Variants in BRDT observed in about 807,000 individuals in gnomAD.
BRDT encodes the protein bromodomain testis-specific protein.
BRDT carries 77 observed loss-of-function variants against 113.9 expected under a neutral mutation model. That is an observed-to-expected ratio of 0.68 (90% CI 0.56 to 0.82). The LOEUF (loss-of-function observed/expected upper bound fraction) is 0.82, where lower values mean the gene tolerates loss of function less well. Ranked by LOEUF, BRDT falls within the 40% of genes least tolerant of loss-of-function variation. BRDT has a pLI of 0.00. For missense variants in BRDT, 1,027 were observed against 1,105.4 expected (o/e 0.93, Z 1.01); for synonymous variants, 358 against 366.5 (o/e 0.98, Z 0.26).
intron 1 of BRDT, chr1:91,950,140 G>A (rs1680890498): frequency 6.6e-6 from 1 of 152,122 alleles, no homozygotes; most frequent in African/African-American, 2.4e-5. Context: ...AGGCGCGCTG[G>A]CCTGTATTAA....
At chr1:91,959,015 C>T (rs952885352) in intron 1 of BRDT, among the ~76,000 whole-genome samples, 2 of 152,042 alleles carry the variant, frequency 1.3e-5, no homozygotes, top group African/African-American at 4.8e-5. Flanking sequence ...TACTGTTGCA[C>T]TCCAGCCTGG....
intron 12 of BRDT, among the ~76,000 whole-genome samples, chr1:91,984,881 C>T (rs965782497): frequency 4.6e-5 from 7 of 152,124 alleles, no homozygotes; most frequent in East Asian, 1.9e-4. Context: ...TCAAGTGATC[C>T]GCCCAGCTCG....
At chr1:91,977,860 ACT>A (rs1241613019) in intron 6 of BRDT, among the ~76,000 whole-genome samples, 6 of 151,394 alleles carry the variant, frequency 4.0e-5, no homozygotes, top group Non-Finnish European at 7.4e-5. Flanking sequence ...ACAGAGGGAA[ACT>A]CTGTCTCAAA....
At chr1:92,000,954 A>G (rs969686214) in intron 15 of BRDT, among the ~76,000 whole-genome samples, 10 of 152,254 alleles carry the variant, frequency 6.6e-5, no homozygotes, top group Admixed American at 5.9e-4. Context: ...TGAAAACTTA[A>G]GAATTAATGA....
intron 13 of BRDT, 60 bp downstream of exon 13, chr1:91,991,305 T>TTTTAA: frequency 1.1e-6 from 1 of 928,006 alleles, no homozygotes; most frequent in Non-Finnish European, 1.6e-6. Flanking sequence ...ATGGGTATAG[T>TTTTAA]AGTAGCTTTC....
rs367671737 is a variant in BRDT at position 91,998,635 on chromosome 1, A to G, written c.2288-3414A>G. ...CTCATAGGAGAAATAAACAACTGGT[A>G]TATAAAGTAAAAATAATGTGCCCTG... On this transcript the variant is annotated intron_variant, in intron 15 of 18. Transcript: ENST00000399546. Among the ~76,000 whole-genome samples the G allele has an allele frequency of 4.6e-5, 7 of 152,350 alleles. 1 individual carries two copies. Among genetic ancestry groups the G allele is most frequent in the East Asian group, 1.9e-4 (1 of 5,184 alleles).
chr1:92,008,242 T>C (rs944697312), intron 18 of BRDT, among the ~76,000 whole-genome samples: 2 of 152,184 alleles, frequency 1.3e-5, no homozygotes, highest in Non-Finnish European at 2.9e-5. Context: ...GATCCAGATA[T>C]CCAAATAGTG....
chr1:91,975,571 A>G (rs1684056153), intron 4 of BRDT, among the ~76,000 whole-genome samples: 3 of 152,204 alleles, frequency 2.0e-5, no homozygotes, highest in African/African-American at 7.2e-5. Context: ...TGAAGTCTAG[A>G]TAGGAAGATA....
chr1:91,976,085 CATT>C (rs970097225), intron 4 of BRDT, among the ~76,000 whole-genome samples, 178 bp from the exon 5 acceptor site: 1 of 152,228 alleles, frequency 6.6e-6, no homozygotes, highest in African/African-American at 2.4e-5. Flanking sequence ...TTGAAGTCTC[CATT>C]ATTATATCTA....
rs200378835 is a variant in BRDT, at chr1:92,002,120, G to A, written c.2359G>A (p.Glu787Lys). The A allele has an allele frequency of 5.2e-5, 84 of 1,613,610 alleles. No individual in the cohort carries two copies. Among genetic ancestry groups the A allele is most frequent in the Non-Finnish European group, 7.0e-5 (83 of 1,179,602 alleles). Residue 787 changes from glutamate to lysine, a missense_variant, in exon 16 of 19, where the codon GAA becomes AAA. Transcript: ENST00000399546. Reference sequence around the variant, plus strand: ...TGGTGATAGTGACACAACGATGTTAGAATCTGAATGTCAAGCTCCTGTACA... The same window carrying A: ...TGGTGATAGTGACACAACGATGTTAAAATCTGAATGTCAAGCTCCTGTACA... ...PSGDSDTTML[E>K]SECQAPVQKD...
intron 4 of BRDT, among the ~76,000 whole-genome samples, chr1:91,968,540 T>C (rs995498526): frequency 2.0e-5 from 3 of 152,198 alleles, no homozygotes; most frequent in Non-Finnish European, 2.9e-5. Context: ...TAGCTGTTAC[T>C]GCTGTTTTCA....
chr1:92,013,540 ATATC>A (rs1265646771), intron 18 of BRDT, among the ~76,000 whole-genome samples: 4 of 152,334 alleles, frequency 2.6e-5, no homozygotes, highest in East Asian at 1.9e-4. Context: ...ATGCTAAAGA[ATATC>A]TATAAGGGCA....
chr1:91,953,272 C>G (rs1325626546), intron 1 of BRDT, among the ~76,000 whole-genome samples: 1 of 152,156 alleles, frequency 6.6e-6, no homozygotes, highest in African/African-American at 2.4e-5. Context: ...TTACTTTTGA[C>G]CTCCAGAATC....
intron 4 of BRDT, among the ~76,000 whole-genome samples, chr1:91,974,187 A>G (rs1340847404): frequency 3.3e-5 from 5 of 152,228 alleles, no homozygotes; most frequent in Non-Finnish European, 5.9e-5. Flanking sequence ...AAACCCTAGA[A>G]GAAAACCTAG....
Position 91,981,384 on chromosome 1 carries a change from A to G in BRDT, c.1864+3A>G. 6.2e-7 allele frequency: 1 copy of G among 1,606,710 alleles called. No individual in the cohort carries two copies. Among genetic ancestry groups the G allele is most frequent in the African/African-American group, 1.3e-5 (1 of 74,654 alleles). ...TTCTAGAAAACGTCAAACAAAATGT[A>G]GGTGGCAGTTTTTGTTTGTTTGTAT... On this transcript the variant is annotated splice_donor_region_variant and intron_variant, in intron 11 of 18. Coordinates refer to ENST00000399546, the MANE Select transcript of BRDT (RefSeq NM_207189.4).
At chr1:91,978,438 C>T in intron 7 of BRDT, 142 bp downstream of exon 7, 1 of 939,750 alleles carries the variant, frequency 1.1e-6, no homozygotes, top group Non-Finnish European at 1.5e-6. Context: ...TACTTTTGCA[C>T]CAACAAAACA....
chr1:92,014,272 TAA>T lies in BRDT; in HGVS notation c.*1_*2del, dbSNP rs775152598. On this transcript the variant is annotated frameshift_variant and stop_lost, in exon 19 of 19. Transcript: ENST00000399546. LOFTEE classifies it high-confidence loss of function. Reference sequence around the variant, plus strand: ...GACAATGTTTGAAAACAACTTTGATTAAAACTCAGTTTTTAAATTAACCATCA... The same window carrying T: ...GACAATGTTTGAAAACAACTTTGATTAACTCAGTTTTTAAATTAACCATCA... ...IMTMFENNFD[*>X] The T allele has an allele frequency of 2.5e-5, 40 of 1,581,126 alleles. No homozygotes were observed. The African/African-American group carries it at 5.3e-4, about 21-fold the overall frequency.
At chr1:91,978,997 CAA>C (rs774952902) in intron 7 of BRDT, among the ~76,000 whole-genome samples, 3 of 77,154 alleles carry the variant, frequency 3.9e-5, no homozygotes, top group Non-Finnish European at 7.9e-5. Context: ...GACTACGTCT[CAA>C]AAAAAAAAAA....
In BRDT at chr1:91,991,175, C is replaced by T; in HGVS notation, c.2003-9C>T. 1 of 1,486,316 alleles carries T rather than the reference C, an allele frequency of 6.7e-7. No individual in the cohort carries two copies. Among genetic ancestry groups the T allele is most frequent in the Non-Finnish European group, 9.2e-7 (1 of 1,083,224 alleles). The allele number at this position is 1,486,316 out of a possible 1,614,324, so 92.1% of individuals were successfully genotyped here. The stretch of plus-strand genomic sequence containing the variant: ...AAATATTAAAATATTTATGTGTATA[C>T]ATTTGCAGAAATGTTCCCTAAGTTT... On this transcript the variant is annotated splice_polypyrimidine_tract_variant and intron_variant, in intron 12 of 18. Transcript: ENST00000399546.
Sources: allele counts gnomAD v4.1 joint callset (sites outside exome capture counted in the v4.1 genomes callset), GRCh38; gene constraint gnomAD v4.1.1; transcripts MANE v1.5; gene names NCBI Gene and HGNC (gene_info 2026-07-23, HGNC 2026-07-21).